Variants in ARRB1 observed in about 807,000 individuals in gnomAD.
ARRB1 encodes beta-arrestin-1.
A neutral mutation model predicts 56.8 loss-of-function variants in ARRB1; 21 were observed. The ratio of observed to expected loss-of-function variants is 0.37; its 90% CI spans 0.26 to 0.53. The LOEUF is 0.53. Ranked by LOEUF, ARRB1 falls within the 20% of genes least tolerant of loss-of-function variation. The pLI is 0.88. For synonymous variants in ARRB1, 210 were observed against 218.6 expected, an observed-to-expected ratio of 0.96 and a Z score of 0.35; for missense variants, 424 against 553.7, an observed-to-expected ratio of 0.77 and a Z score of 2.35.
chr11:75,283,067 T>C (rs546809923), intron 5 of ARRB1, among the ~76,000 whole-genome samples: 1 of 152,120 alleles, frequency 6.6e-6, no homozygotes, highest in East Asian at 1.9e-4. Flanking sequence ...CTCAGAAGGG[T>C]CTGAGGAGTA....
intron 1 of ARRB1, among the ~76,000 whole-genome samples, chr11:75,320,715 C>A (rs895850992): frequency 1.3e-5 from 2 of 152,188 alleles, no homozygotes; most frequent in Non-Finnish European, 2.9e-5. Flanking sequence ...GCTCCAGCAC[C>A]GCACAAACTC....
chr11:75,336,019 G>A (rs751277126), intron 1 of ARRB1, among the ~76,000 whole-genome samples: 4 of 152,130 alleles, frequency 2.6e-5, no homozygotes, highest in Non-Finnish European at 4.4e-5. Flanking sequence ...CTCACTCAGT[G>A]TCTGGGGCTG....
At chr11:75,283,951 T>C (rs1000280692) in intron 4 of ARRB1, among the ~76,000 whole-genome samples, 3 of 152,096 alleles carry the variant, frequency 2.0e-5, no homozygotes, top group African/African-American at 7.3e-5. Flanking sequence ...GGTATCAATG[T>C]TCTGTTCTGT....
chr11:75,304,731 C>A (rs540126890), intron 1 of ARRB1, among the ~76,000 whole-genome samples: 1 of 151,648 alleles, frequency 6.6e-6, no homozygotes, highest in African/African-American at 2.4e-5. Context: ...CCCAAACCCC[C>A]CGCAAAGGAT....
intron 6 of ARRB1, 86 bp downstream of exon 6, chr11:75,281,876 G>A: frequency 2.1e-6 from 3 of 1,402,438 alleles, no homozygotes; most frequent in East Asian, 2.3e-5. Flanking sequence ...GGTCCTGTGT[G>A]TCCAGCACCT....
At position 75,261,393 on chromosome 11, in the gene ARRB1, G is replaced by T. The variant is rs1224768415; in HGVS notation, c.*4770C>A. ...TCTTCTTCAAAGAAAGCTTGAAAAT[G>T]AAATCTCAGTAGGCAAGACAGATAA... On this transcript the variant is annotated 3_prime_UTR_variant, in exon 16 of 16. Transcript: ENST00000420843. The T allele has an allele frequency of 6.6e-6, 1 of 152,170 alleles. No homozygotes were observed. Among genetic ancestry groups the T allele is most frequent in the African/African-American group, 2.4e-5 (1 of 41,418 alleles). The allele number at this position is 152,170 out of a possible 1,614,324, so 9.4% of individuals were successfully genotyped here.
chr11:75,285,674 G>A (rs1389095111), intron 3 of ARRB1, among the ~76,000 whole-genome samples: 2 of 152,146 alleles, frequency 1.3e-5, no homozygotes, highest in East Asian at 3.9e-4. Flanking sequence ...GCTCTGCACA[G>A]TGCCCCAGAG....
intron 8 of ARRB1, 41 bp from the exon 9 acceptor site, chr11:75,277,489 G>A (rs146033890): frequency 8.1e-5 from 128 of 1,571,520 alleles, no homozygotes; most frequent in Non-Finnish European, 1.1e-4. Flanking sequence ...TGGGAGGACA[G>A]CAAGGTTCTA....
chr11:75,267,897 G>T (rs1945966699), intron 14 of ARRB1, among the ~76,000 whole-genome samples, 194 bp from the exon 15 acceptor site: 1 of 152,160 alleles, frequency 6.6e-6, no homozygotes, highest in South Asian at 2.1e-4. Context: ...AGGGAGGATG[G>T]CACCAGGAGG....
intron 1 of ARRB1, chr11:75,335,145 G>A (rs753764536): frequency 7.4e-5 from 19 of 256,558 alleles, no homozygotes; most frequent in Non-Finnish European, 1.4e-4. Context: ...AGCACCACCC[G>A]CCTTCACAAA....
rs552216484 is a variant in ARRB1, at chr11:75,281,464, G to A, written c.415-322C>T. On this transcript the variant is annotated intron_variant, in intron 6 of 15. Coordinates refer to ENST00000420843, the MANE Select transcript of ARRB1 (RefSeq NM_004041.5). ...ACAGGCACCTGAGCAGACTGGGGGC[G>A]CCTACTACTGTGTGCACACCCGGCC... 66 of 425,112 alleles carry A rather than the reference G, an allele frequency of 1.6e-4. 1 individual carries two copies. Among genetic ancestry groups the A allele is most frequent in the South Asian group, 9.0e-4 (29 of 32,258 alleles). The allele number at this position is 425,112 out of a possible 1,614,324, so 26.3% of individuals were successfully genotyped here.
chr11:75,304,741 T>A (rs554064208), intron 1 of ARRB1, among the ~76,000 whole-genome samples: 3 of 151,134 alleles, frequency 2.0e-5, no homozygotes, highest in African/African-American at 7.3e-5. Context: ...CCGCAAAGGA[T>A]CTCCAGACCA....
At chr11:75,321,274 C>G (rs1236411022) in intron 1 of ARRB1, among the ~76,000 whole-genome samples, 6 of 147,308 alleles carry the variant, frequency 4.1e-5, no homozygotes, top group Non-Finnish European at 7.5e-5. Context: ...CACCCCCCCC[C>G]ACCACCATCC....
intron 1 of ARRB1, among the ~76,000 whole-genome samples, chr11:75,332,973 C>G (rs1947544879): frequency 6.6e-6 from 1 of 152,106 alleles, no homozygotes; most frequent in Non-Finnish European, 1.5e-5. Flanking sequence ...CCTTTCTGAA[C>G]CAAACCAATG....
intron 12 of ARRB1, among the ~76,000 whole-genome samples, chr11:75,272,324 A>G (rs1946089769): frequency 1.3e-5 from 2 of 152,220 alleles, no homozygotes; most frequent in South Asian, 2.1e-4. Flanking sequence ...CCACCAAACT[A>G]TGCTCCAGGG....
intron 7 of ARRB1, 187 bp downstream of exon 7, chr11:75,280,888 C>T: frequency 1.6e-6 from 1 of 634,784 alleles, no homozygotes; most frequent in East Asian, 2.8e-5. Flanking sequence ...TGAACCCAGG[C>T]AGTCGAAGCC....
chr11:75,316,704 G>A (rs916653990), intron 1 of ARRB1, among the ~76,000 whole-genome samples: 1 of 152,086 alleles, frequency 6.6e-6, no homozygotes, highest in Non-Finnish European at 1.5e-5. Context: ...ATCATTTAAG[G>A]ACAGGAGGTC....
chr11:75,302,393 A>G (rs1452438408), intron 1 of ARRB1, among the ~76,000 whole-genome samples: 2 of 152,260 alleles, frequency 1.3e-5, no homozygotes, highest in African/African-American at 2.4e-5. Flanking sequence ...GTTTCTTAAA[A>G]GAGCTTGGCT....
chr11:75,351,425 C>A (rs1470737012), intron 1 of ARRB1, among the ~76,000 whole-genome samples, 163 bp downstream of exon 1: 5 of 152,134 alleles, frequency 3.3e-5, no homozygotes, highest in African/African-American at 1.2e-4. Context: ...CCGCCCACGG[C>A]CCTGCCGGGG....
Sources: gnomAD v4.1 joint callset for allele counts (sites outside exome capture counted in the v4.1 genomes callset) on GRCh38, gnomAD v4.1.1 for gene constraint, MANE v1.5 for transcripts, NCBI Gene and HGNC (gene_info 2026-07-23, HGNC 2026-07-21) for gene names.